PCDH7: variants seen among roughly 807,000 people sequenced by gnomAD.
The protein encoded by PCDH7 is protocadherin-7.
Under a neutral mutation model 58.9 loss-of-function variants are expected in PCDH7, and 17 were observed. The observed-to-expected ratio is 0.29, with a 90% CI of 0.20 to 0.43. The LOEUF (loss-of-function observed/expected upper bound fraction) is 0.43, where lower values mean the gene tolerates loss of function less well. PCDH7 is among the 20% of genes least tolerant of loss of function. The probability of loss-of-function intolerance (pLI) is 1.00; values close to 1 mark genes in which losing one functional copy is unlikely to be tolerated. For missense variants in PCDH7, 1,274 were observed against 1,441.0 expected (o/e 0.88, Z 1.88); for synonymous variants, 664 against 616.4 (o/e 1.08, Z -1.14).
chr4:30,806,488 T>C (rs780024936), intron 1 of PCDH7, among the ~76,000 whole-genome samples: 1 of 151,822 alleles, frequency 6.6e-6, no homozygotes, highest in Non-Finnish European at 1.5e-5. Context: ...CTTTTTTTAG[T>C]AAAGAAGGGG....
At chr4:30,769,347 C>T (rs1023846722) in intron 1 of PCDH7, among the ~76,000 whole-genome samples, 11 of 152,286 alleles carry the variant, frequency 7.2e-5, no homozygotes, top group East Asian at 1.9e-4. Context: ...GCTGTCACTC[C>T]GCATGGTTTC....
At chr4:30,914,470 T>A (rs536895966) in intron 1 of PCDH7, among the ~76,000 whole-genome samples, 25 of 152,322 alleles carry the variant, frequency 1.6e-4, no homozygotes, top group African/African-American at 5.8e-4. Flanking sequence ...AATGATTAGA[T>A]TCAAATAGCT....
At chr4:30,942,194 A>G (rs1007019617) in intron 2 of PCDH7, among the ~76,000 whole-genome samples, 1 of 151,950 alleles carries the variant, frequency 6.6e-6, no homozygotes, top group Non-Finnish European at 1.5e-5. Flanking sequence ...CGAATCAAGG[A>G]TCTACTCACA....
chr4:30,743,641 A>T (rs1325393672), intron 1 of PCDH7, among the ~76,000 whole-genome samples: 1 of 152,030 alleles, frequency 6.6e-6, no homozygotes, highest in East Asian at 1.9e-4. Flanking sequence ...CTGAAAAAAT[A>T]TCGGCCTCTG....
At chr4:30,749,199 A>C (rs1019509735) in intron 1 of PCDH7, among the ~76,000 whole-genome samples, 2 of 152,232 alleles carry the variant, frequency 1.3e-5, no homozygotes, top group African/African-American at 4.8e-5. Context: ...ATTGACTATG[A>C]AGAAAAGGTG....
At chr4:30,779,017 T>TTTC in intron 1 of PCDH7, among the ~76,000 whole-genome samples, 1 of 144,642 alleles carries the variant, frequency 6.9e-6, no homozygotes, top group East Asian at 2.0e-4. Context: ...TTTTTTTTTT[T>TTTC]TTTTTTTTTT....
intron 1 of PCDH7, among the ~76,000 whole-genome samples, chr4:30,879,086 T>C (rs576759767): frequency 6.6e-6 from 1 of 150,488 alleles, no homozygotes; most frequent in African/African-American, 2.4e-5. Flanking sequence ...GTAAAGCCAC[T>C]GAACTTAGAG....
At chr4:31,058,726 C>T (rs1757449806) in intron 3 of PCDH7, among the ~76,000 whole-genome samples, 1 of 151,942 alleles carries the variant, frequency 6.6e-6, no homozygotes, top group Admixed American at 6.6e-5. Flanking sequence ...ACTGTGTTGG[C>T]AATCTAGTGG....
At chr4:30,931,153 C>G (rs1021773192) in intron 2 of PCDH7, among the ~76,000 whole-genome samples, 4 of 151,958 alleles carry the variant, frequency 2.6e-5, no homozygotes, top group African/African-American at 7.3e-5. Context: ...GTGTTTTTAC[C>G]ACCCCTTTTC....
intron 1 of PCDH7, among the ~76,000 whole-genome samples, chr4:30,812,456 T>C (rs1484169948): frequency 6.6e-6 from 1 of 152,204 alleles, no homozygotes. Context: ...CATTAATTCT[T>C]AAGTATATTG....
intron 3 of PCDH7, among the ~76,000 whole-genome samples, chr4:31,043,577 T>A (rs1297531898): frequency 6.6e-6 from 1 of 152,172 alleles, no homozygotes; most frequent in African/African-American, 2.4e-5. Context: ...TGCATGAATG[T>A]CTTCTTTTGA....
intron 1 of PCDH7, among the ~76,000 whole-genome samples, chr4:30,787,914 G>T (rs2109295796): frequency 6.6e-6 from 1 of 152,004 alleles, no homozygotes; most frequent in African/African-American, 2.4e-5. Flanking sequence ...TATTCACAAA[G>T]GAAGCAATTT....
chr4:30,932,388 T>C (rs13123980), intron 2 of PCDH7, among the ~76,000 whole-genome samples: 29,847 of 152,204 alleles, frequency 0.2, 3,683 homozygotes, highest in East Asian at 0.29. Context: ...CTTTTAATGT[T>C]GTTTTTAACC....
intron 3 of PCDH7, chr4:30,987,465 G>A (rs1210695528): frequency 6.6e-6 from 1 of 152,008 alleles, no homozygotes; most frequent in African/African-American, 2.4e-5. Flanking sequence ...ATTATTCATA[G>A]TATCTCTGGG....
At chr4:31,010,245 T>C (rs952245306) in intron 3 of PCDH7, among the ~76,000 whole-genome samples, 1 of 151,958 alleles carries the variant, frequency 6.6e-6, no homozygotes. Context: ...CACTCTATTA[T>C]GGAACTTTAT....
chr4:31,059,908 C>T (rs1757547553), intron 3 of PCDH7, among the ~76,000 whole-genome samples: 1 of 151,662 alleles, frequency 6.6e-6, no homozygotes, highest in Admixed American at 6.6e-5. Flanking sequence ...AATCTATGTT[C>T]ATTCTACAAG....
intron 1 of PCDH7, among the ~76,000 whole-genome samples, chr4:30,861,725 C>G (rs747755233): frequency 2.0e-5 from 3 of 152,038 alleles, no homozygotes; most frequent in Non-Finnish European, 4.4e-5. Context: ...AAACCCAATG[C>G]TTTTACCTTC....
chr4:30,997,821 CT>C (rs901986951), intron 3 of PCDH7, among the ~76,000 whole-genome samples: 2 of 152,050 alleles, frequency 1.3e-5, no homozygotes, highest in Non-Finnish European at 2.9e-5. Context: ...AACAAATTAT[CT>C]TTTTTTCTCT....
intron 3 of PCDH7, among the ~76,000 whole-genome samples, chr4:31,094,861 GAT>G (rs1428529360): frequency 6.6e-6 from 1 of 150,848 alleles, no homozygotes; most frequent in Non-Finnish European, 1.5e-5. Context: ...ATGCCTTAGG[GAT>G]ATGTTACCTA....
Sources: allele counts gnomAD v4.1 joint callset (sites outside exome capture counted in the v4.1 genomes callset), GRCh38; gene constraint gnomAD v4.1.1; transcripts MANE v1.5; gene names NCBI Gene and HGNC (gene_info 2026-07-23, HGNC 2026-07-21).